ZNF423: variants seen among roughly 807,000 people sequenced by gnomAD.
ZNF423 encodes the protein Ebf-associated zinc finger protein.
A neutral mutation model predicts 95.8 loss-of-function variants in ZNF423; 12 were observed. The observed-to-expected ratio is 0.13, with a 90% CI of 0.08 to 0.20. The LOEUF (loss-of-function observed/expected upper bound fraction) is 0.20. ZNF423 is among the 10% of genes least tolerant of loss of function. The pLI is 1.00. For synonymous variants in ZNF423, 749 were observed against 711.9 expected, an observed-to-expected ratio of 1.05 and a Z score of -0.83; for missense variants, 1,316 against 1,737.1, an observed-to-expected ratio of 0.76 and a Z score of 4.31.
intron 5 of ZNF423, among the ~76,000 whole-genome samples, chr16:49,563,287 C>T (rs1292275567): frequency 6.6e-6 from 1 of 152,120 alleles, no homozygotes; most frequent in Non-Finnish European, 1.5e-5. Flanking sequence ...TGGCACCTCC[C>T]CCCTCCCTCT....
In ZNF423 at chr16:49,603,062, G is replaced by A. The variant is rs915914004; in HGVS notation, c.3601+23108C>T. Among the ~76,000 whole-genome samples the A allele has an allele frequency of 5.3e-5, 8 of 152,138 alleles. No homozygotes were observed. Among genetic ancestry groups the A allele is most frequent in the African/African-American group, 1.9e-4 (8 of 41,434 alleles). Reference sequence around the variant, plus strand: ...GAGAAAGGGAGGATGGGAGGAGGAGGTTCCGAAACACTGGTGCGAGAAAAG... The same window carrying A: ...GAGAAAGGGAGGATGGGAGGAGGAGATTCCGAAACACTGGTGCGAGAAAAG... On this transcript the variant is annotated intron_variant, in intron 5 of 7. Coordinates refer to ENST00000563137, the MANE Select transcript of ZNF423 (RefSeq NM_001379286.1). This position sits in a 1 kb window ranked among gnomAD's most constrained non-coding sequence, Gnocchi z 4.1.
At chr16:49,615,174 G>T (rs1357929084) in intron 5 of ZNF423, among the ~76,000 whole-genome samples, 1 of 139,044 alleles carries the variant, frequency 7.2e-6, no homozygotes, top group Non-Finnish European at 1.5e-5. Context: ...ACGGGGCAGG[G>T]GGGTAATGAG....
At chr16:49,851,565 C>G (rs561342856) in intron 1 of ZNF423, among the ~76,000 whole-genome samples, 110 of 152,212 alleles carry the variant, frequency 7.2e-4, no homozygotes, top group Admixed American at 5.2e-4. Context: ...TCCTGCCTTC[C>G]TGGTTCCCCC....
intron 3 of ZNF423, among the ~76,000 whole-genome samples, chr16:49,727,469 C>A (rs949453854): frequency 4.0e-5 from 6 of 148,160 alleles, no homozygotes; most frequent in African/African-American, 1.5e-4. Flanking sequence ...GGGAGCAAAA[C>A]GCTGCCCCCA....
In ZNF423 at chr16:49,855,031, G is replaced by C. The variant is rs1265896144; in HGVS notation, c.40+704C>G. On this transcript the variant is annotated intron_variant, in intron 1 of 7. Transcript: ENST00000563137. This position sits in a 1 kb window ranked among gnomAD's most constrained non-coding sequence, Gnocchi z 4.7. ...CTCCCCTGAGGACCTGCGTCCCGCC[G>C]GCGCCGTGCAGACAATGAACTCCTG... 1.0e-6 allele frequency: 1 copy of C among 984,854 alleles called. No homozygotes were observed. Among genetic ancestry groups the C allele is most frequent in the African/African-American group, 1.7e-5 (1 of 57,174 alleles). The allele number at this position is 984,854 out of a possible 1,614,324, so 61.0% of individuals were successfully genotyped here. A position where few individuals can be genotyped will look rare whatever the true frequency, so the allele number is the denominator to read the frequency against.
intron 2 of ZNF423, among the ~76,000 whole-genome samples, chr16:49,770,683 C>T (rs377208280): frequency 6.6e-6 from 1 of 151,974 alleles, no homozygotes; most frequent in Non-Finnish European, 1.5e-5. Flanking sequence ...AGGGTGCTCT[C>T]GGAGGGGCAC....
At chr16:49,614,609 G>C (rs1971818241) in intron 5 of ZNF423, among the ~76,000 whole-genome samples, 1 of 152,184 alleles carries the variant, frequency 6.6e-6, no homozygotes, top group Non-Finnish European at 1.5e-5. Flanking sequence ...GGATTCTTGT[G>C]GCAATGGAAA....
At position 49,636,686 on chromosome 16, in the gene ZNF423, C is replaced by T; in HGVS notation, c.2490G>A (p.Leu830=). The change falls in exon 4 of 8, where the codon CTG becomes CTA. Residue 830 remains leucine, a synonymous_variant. Coordinates refer to ENST00000563137, the MANE Select transcript of ZNF423 (RefSeq NM_001379286.1). The surrounding 1 kb of genome is among the most constrained non-coding windows in gnomAD (Gnocchi z 8.6). ...CSKAFHAIIL[L]EKHLREKHCV... ...AGTGCTTCTCCCGCAGGTGCTTCTC[C>T]AGCAGGATGATGGCGTGGAAGGCCT... 6.2e-7 allele frequency: 1 copy of T among 1,614,102 alleles called. No individual in the cohort carries two copies. The highest frequency in any genetic ancestry group is 8.5e-7 in the Non-Finnish European group (1 of 1,180,024).
intron 3 of ZNF423, among the ~76,000 whole-genome samples, chr16:49,701,860 A>G (rs1354531584): frequency 1.3e-5 from 2 of 152,248 alleles, no homozygotes; most frequent in East Asian, 3.9e-4. Flanking sequence ...TTGCATGAAG[A>G]AAAAAAATCT....
At chr16:49,640,938 G>A (rs1972955439) in intron 3 of ZNF423, 1 of 152,288 alleles carries the variant, frequency 6.6e-6, no homozygotes, top group African/African-American at 2.4e-5. Flanking sequence ...TTGCCAGCTG[G>A]GCTCTCTGGG....
At chr16:49,664,217 C>T (rs1012963713) in intron 3 of ZNF423, 164 of 985,440 alleles carry the variant, frequency 1.7e-4, no homozygotes, top group Admixed American at 1.8e-4. Flanking sequence ...TTCCCACCGG[C>T]CCACTGGTGA....
intron 3 of ZNF423, among the ~76,000 whole-genome samples, chr16:49,646,568 C>CTTTTTTTTTTTTTTTTTTTTTT: frequency 3.1e-4 from 38 of 120,736 alleles, no homozygotes; most frequent in Non-Finnish European, 5.6e-4. Flanking sequence ...ATTTTCTTTT[C>CTTTTTTTTTTTTTTTTTTTTTT]TTTTTCTTTT....
chr16:49,746,464 T>C (rs1483249577), intron 2 of ZNF423, among the ~76,000 whole-genome samples: 2 of 152,068 alleles, frequency 1.3e-5, no homozygotes, highest in Admixed American at 6.5e-5. Flanking sequence ...CTACTGCTAT[T>C]GCCAAAAAGA....
At chr16:49,809,024 T>C (rs558465618) in intron 1 of ZNF423, among the ~76,000 whole-genome samples, 4 of 152,320 alleles carry the variant, frequency 2.6e-5, no homozygotes, top group Non-Finnish European at 5.9e-5. Context: ...ACTGAGCCCT[T>C]CCTGCCCCAA....
chr16:49,631,505 C>T (rs1269306151), intron 4 of ZNF423, among the ~76,000 whole-genome samples: 1 of 152,116 alleles, frequency 6.6e-6, no homozygotes, highest in African/African-American at 2.4e-5. Context: ...CTCAAAGCAC[C>T]TCCCCTGCCA....
chr16:49,751,728 G>A (rs551773902), intron 2 of ZNF423, among the ~76,000 whole-genome samples: 21 of 152,290 alleles, frequency 1.4e-4, no homozygotes, highest in East Asian at 3.9e-4. Flanking sequence ...TCTGAGTGTC[G>A]GGAGAGGAAG....
At chr16:49,497,232 T>TATCCATCCATCCATCCATCCATCC (rs773217573) in intron 7 of ZNF423, among the ~76,000 whole-genome samples, 18,866 of 151,830 alleles carry the variant, frequency 0.12, 1,480 homozygotes, top group African/African-American at 0.22. Flanking sequence ...TCTATTCATC[T>TATCCATCCATCCATCCATCCATCC]ATCCATCCAT....
At chr16:49,782,213 G>A (rs2034223697) in intron 2 of ZNF423, among the ~76,000 whole-genome samples, 1 of 152,244 alleles carries the variant, frequency 6.6e-6, no homozygotes, top group Admixed American at 6.5e-5. Flanking sequence ...AACAAGGCAT[G>A]GGACCCACTT....
In ZNF423 at chr16:49,533,714, G is replaced by A. The variant is rs1006794905; in HGVS notation, c.3602-8220C>T. On this transcript the variant is annotated intron_variant, in intron 5 of 7. Coordinates refer to ENST00000563137, the MANE Select transcript of ZNF423 (RefSeq NM_001379286.1). ...AAAACATGGCCAAGAACCAGGCTGC[G>A]CGGAGGAGAATCCTGGCTCTGCTGC... Among the ~76,000 whole-genome samples the A allele has an allele frequency of 1.8e-4, 28 of 152,226 alleles. 1 individual carries two copies. Among genetic ancestry groups the A allele is most frequent in the Admixed American group, 6.5e-4 (10 of 15,288 alleles).
Sources: allele counts gnomAD v4.1 joint callset (sites outside exome capture counted in the v4.1 genomes callset), GRCh38; gene constraint gnomAD v4.1.1; non-coding constraint Gnocchi (gnomAD v3.1); transcripts MANE v1.5; gene names NCBI Gene and HGNC (gene_info 2026-07-23, HGNC 2026-07-21).